ESRRG: variants seen among roughly 807,000 people sequenced by gnomAD.
The protein encoded by ESRRG is estrogen related receptor gamma.
Under a neutral mutation model 44.0 loss-of-function variants are expected in ESRRG, and 13 were observed. The observed-to-expected ratio is 0.30, with a 90% confidence interval of 0.19 to 0.47. The LOEUF is 0.47. Ranked by LOEUF, ESRRG falls within the 20% of genes least tolerant of loss-of-function variation. ESRRG has a pLI of 1.00. For synonymous variants in ESRRG, 215 were observed against 214.6 expected (o/e 1.00, Z -0.02); for missense variants, 395 against 580.6 (o/e 0.68, Z 3.29).
At chr1:217,005,982 G>T (rs1408901585) in intron 1 of ESRRG, among the ~76,000 whole-genome samples, 1 of 152,114 alleles carries the variant, frequency 6.6e-6, no homozygotes, top group East Asian at 1.9e-4. Flanking sequence ...ATTAGGGACA[G>T]AATTGGTTCA....
chr1:216,846,024 T>G (rs1196750935), intron 2 of ESRRG, among the ~76,000 whole-genome samples: 3 of 152,146 alleles, frequency 2.0e-5, no homozygotes, highest in Non-Finnish European at 4.4e-5. Flanking sequence ...TTAACCGTAT[T>G]CATTCCTGAT....
chr1:216,558,938 G>A (rs567445685), intron 5 of ESRRG, among the ~76,000 whole-genome samples: 2 of 151,562 alleles, frequency 1.3e-5, no homozygotes, highest in Admixed American at 1.3e-4. Flanking sequence ...GACGTGATCC[G>A]GGCTCACTGC....
intron 2 of ESRRG, among the ~76,000 whole-genome samples, chr1:216,834,277 T>C (rs1391724560): frequency 1.3e-5 from 2 of 152,258 alleles, no homozygotes; most frequent in East Asian, 3.9e-4. Flanking sequence ...GTCTTGCACC[T>C]GTAGTCCCAG....
At chr1:216,831,584 A>G (rs1400641841) in intron 2 of ESRRG, among the ~76,000 whole-genome samples, 1 of 152,082 alleles carries the variant, frequency 6.6e-6, no homozygotes, top group Non-Finnish European at 1.5e-5. Flanking sequence ...GAAAGAGATT[A>G]CTAAATACTA....
At chr1:216,750,832 C>A (rs951329115) in intron 2 of ESRRG, among the ~76,000 whole-genome samples, 1 of 152,004 alleles carries the variant, frequency 6.6e-6, no homozygotes, top group Admixed American at 6.6e-5. Flanking sequence ...ATGCATCATC[C>A]ATTTCCCTGA....
chr1:216,737,869 T>A (rs952866759), intron 2 of ESRRG, among the ~76,000 whole-genome samples: 1 of 152,084 alleles, frequency 6.6e-6, no homozygotes, highest in Non-Finnish European at 1.5e-5. Context: ...CTGTGAATGA[T>A]GCAAGTATAA....
intron 1 of ESRRG, among the ~76,000 whole-genome samples, chr1:217,063,606 A>C (rs764336379): frequency 6.6e-6 from 1 of 152,194 alleles, no homozygotes. Flanking sequence ...CTGGGTAGGA[A>C]GACCCTCCAA....
intron 2 of ESRRG, among the ~76,000 whole-genome samples, chr1:216,899,560 G>A (rs1235381313): frequency 6.6e-6 from 1 of 152,182 alleles, no homozygotes; most frequent in Admixed American, 6.5e-5. Context: ...GGAACAGAAT[G>A]TCTGCTAACA....
intron 1 of ESRRG, among the ~76,000 whole-genome samples, chr1:216,679,647 T>TA (rs750188326): frequency 1.6e-3 from 240 of 151,330 alleles, no homozygotes; most frequent in Non-Finnish European, 2.9e-3. Flanking sequence ...TTTTTTTTTT[T>TA]ATCCAGAGGA....
intron 2 of ESRRG, among the ~76,000 whole-genome samples, chr1:216,804,269 G>A (rs111960472): frequency 1.1e-4 from 17 of 152,222 alleles, no homozygotes; most frequent in African/African-American, 4.1e-4. Context: ...ACCCCGGGCC[G>A]GCAGCCAAGC....
intron 2 of ESRRG, among the ~76,000 whole-genome samples, chr1:216,815,847 C>G (rs1385604952): frequency 1.3e-5 from 2 of 152,166 alleles, no homozygotes; most frequent in Non-Finnish European, 2.9e-5. Context: ...TCTTAAATGC[C>G]TGCCTAGGAG....
At chr1:216,877,295 C>G (rs940794964) in intron 2 of ESRRG, among the ~76,000 whole-genome samples, 1 of 152,168 alleles carries the variant, frequency 6.6e-6, no homozygotes, top group Middle Eastern at 3.4e-3. Context: ...TGTTCTCATT[C>G]CCCTCCCACA....
chr1:216,808,197 G>C lies in ESRRG; in HGVS notation c.-13-130706C>G, dbSNP rs185632464. Among the ~76,000 whole-genome samples, 310 of 152,106 alleles carry C rather than the reference G, an allele frequency of 2.0e-3. 1 individual carries two copies. Among genetic ancestry groups the C allele is most frequent in the African/African-American group, 6.6e-3 (273 of 41,500 alleles). On this transcript the variant is annotated intron_variant, in intron 2 of 7. Coordinates refer to the ESRRG transcript ENST00000359162. ...ATATGCTCCAAAAGTTTTTGGATTC[G>C]TGCTGATAAGAAAATGTAGAATTCT... is the stretch of plus-strand genomic sequence containing the variant.
At position 217,045,721 on chromosome 1, in the gene ESRRG, A is replaced by G. The variant is rs192990980; in HGVS notation, c.-106+43786T>C. 2.5e-3 allele frequency among the ~76,000 whole-genome samples: 381 copies of G among 151,948 alleles called. 4 individuals carry two copies. Among genetic ancestry groups the G allele is most frequent in the African/African-American group, 8.9e-3 (370 of 41,434 alleles). ...CGACGGCAGTTGTCGTTTTTTTTTC[A>G]TTTGATCAGGGAATGTAATACATCT... On this transcript the variant is annotated intron_variant, in intron 1 of 7. Coordinates refer to the ESRRG transcript ENST00000359162.
At chr1:216,577,832 T>C (rs2061977859) in intron 3 of ESRRG, among the ~76,000 whole-genome samples, 1 of 152,030 alleles carries the variant, frequency 6.6e-6, no homozygotes, top group Non-Finnish European at 1.5e-5. Context: ...TGGAGGGCAT[T>C]TGGTTTCAGC....
chr1:216,799,854 G>T (rs2789726), intron 2 of ESRRG, among the ~76,000 whole-genome samples: 3 of 152,040 alleles, frequency 2.0e-5, no homozygotes, highest in Admixed American at 2.0e-4. Context: ...TGGAATGATA[G>T]ATGCACATGT....
At chr1:216,658,425 A>G (rs1214115184) in intron 2 of ESRRG, among the ~76,000 whole-genome samples, 2 of 152,108 alleles carry the variant, frequency 1.3e-5, no homozygotes, top group Non-Finnish European at 2.9e-5. Flanking sequence ...TGTTCATTTT[A>G]GGACAAAATT....
chr1:216,894,854 C>T (rs2058234186), intron 2 of ESRRG, among the ~76,000 whole-genome samples: 1 of 152,134 alleles, frequency 6.6e-6, no homozygotes, highest in Non-Finnish European at 1.5e-5. Flanking sequence ...AAGTAGTATA[C>T]AGCTGTTTAT....
At chr1:216,559,413 G>A (rs1558488635) in intron 5 of ESRRG, among the ~76,000 whole-genome samples, 3 of 152,144 alleles carry the variant, frequency 2.0e-5, no homozygotes, top group Non-Finnish European at 4.4e-5. Flanking sequence ...AGCAGAGGGT[G>A]GAAACTTGGA....
Sources: gnomAD v4.1 joint callset for allele counts (sites outside exome capture counted in the v4.1 genomes callset) on GRCh38, gnomAD v4.1.1 for gene constraint, MANE v1.5 for transcripts, NCBI Gene and HGNC (gene_info 2026-07-23, HGNC 2026-07-21) for gene names.